Variants in LIFR observed in about 807,000 individuals in gnomAD.
The protein encoded by LIFR is LIF receptor subunit alpha.
Under a neutral mutation model 122.2 loss-of-function variants are expected in LIFR, and 84 were observed. The ratio of observed to expected loss-of-function variants is 0.69; its 90% confidence interval spans 0.58 to 0.82. The LOEUF (loss-of-function observed/expected upper bound fraction) is 0.82. Ranked by LOEUF, LIFR falls within the 40% of genes least tolerant of loss-of-function variation. The pLI is 0.00. For synonymous variants in LIFR, 422 were observed against 434.7 expected (o/e 0.97, Z 0.36); for missense variants, 1,294 against 1,311.6 (o/e 0.99, Z 0.21).
Position 38,476,782 on chromosome 5 carries a change from C to T in LIFR, c.*4813G>A, listed in dbSNP as rs1379901272. 1 of 210,234 alleles carries T rather than the reference C, an allele frequency of 4.8e-6. No homozygotes were observed. The highest frequency in any genetic ancestry group is 9.6e-6 in the Non-Finnish European group (1 of 103,630). 13.0% of individuals were successfully genotyped at this position (210,234 alleles called of 1,614,324 possible). ...TTCTTTAGGCACTTACACATAAAAACATTCAGAGGGTTTTCCCCTTAACAC... is the reference window on the plus strand; with the variant it reads ...TTCTTTAGGCACTTACACATAAAAATATTCAGAGGGTTTTCCCCTTAACAC... On this transcript the variant is annotated 3_prime_UTR_variant, in exon 20 of 20. Transcript: ENST00000453190.
At chr5:38,530,436 A>T in intron 2 of LIFR, 70 bp downstream of exon 2, 1 of 1,402,622 alleles carries the variant, frequency 7.1e-7, no homozygotes, top group Non-Finnish European at 1.0e-6. Context: ...TAAAGCAACA[A>T]AATTGCTTCG....
At chr5:38,555,297 A>C (rs551254762) in intron 1 of LIFR, among the ~76,000 whole-genome samples, 1 of 152,266 alleles carries the variant, frequency 6.6e-6, no homozygotes, top group Admixed American at 6.5e-5. Context: ...GTGACAAAAT[A>C]ATCATGTAAG....
chr5:38,574,210 T>C (rs954884026), intron 1 of LIFR, among the ~76,000 whole-genome samples: 10 of 152,118 alleles, frequency 6.6e-5, no homozygotes, highest in African/African-American at 1.7e-4. Flanking sequence ...CTCTCCCCTC[T>C]GCTTACTCCT....
Position 38,485,801 on chromosome 5 carries a change from C to G in LIFR, c.2497+18G>C. The G allele has an allele frequency of 6.2e-7, 1 of 1,613,890 alleles. No individual in the cohort carries two copies. Among genetic ancestry groups the G allele is most frequent in the Non-Finnish European group, 8.5e-7 (1 of 1,179,812 alleles). On this transcript the variant is annotated intron_variant, in intron 17 of 19. Coordinates refer to ENST00000453190, the MANE Select transcript of LIFR (RefSeq NM_001127671.2). Reference sequence around the variant, plus strand: ...GCATGCAGGATGGAAAGCACCTCAACAGCAACCTGAAACTTACAATTTTCC... The same window carrying G: ...GCATGCAGGATGGAAAGCACCTCAAGAGCAACCTGAAACTTACAATTTTCC...
At chr5:38,485,442 T>C (rs1285509666) in intron 17 of LIFR, among the ~76,000 whole-genome samples, 2 of 152,214 alleles carry the variant, frequency 1.3e-5, no homozygotes, top group East Asian at 3.8e-4. Context: ...AGTGTTGTGC[T>C]TTACAAAAAA....
chr5:38,481,584 C>G lies in LIFR; in HGVS notation c.*11G>C, dbSNP rs747346598. ...ATTGAGATGGCTGACTGAAGTGACA[C>G]GGTGACACTGTTAATCGTTTGGTTT... On this transcript the variant is annotated 3_prime_UTR_variant, in exon 20 of 20. Coordinates refer to ENST00000453190, the MANE Select transcript of LIFR (RefSeq NM_001127671.2). The G allele has an allele frequency of 1.2e-6, 2 of 1,613,886 alleles. No individual in the cohort carries two copies. The highest frequency in any genetic ancestry group is 1.7e-6 in the Non-Finnish European group (2 of 1,179,908).
upstream of LIFR, among the ~76,000 whole-genome samples, chr5:38,598,114 T>A (rs756093784): frequency 5.3e-5 from 8 of 151,828 alleles, no homozygotes; most frequent in Non-Finnish European, 1.2e-4. Flanking sequence ...GTGGGATCTT[T>A]CTAAGAAACA....
chr5:38,539,213 T>C, intron 1 of LIFR, among the ~76,000 whole-genome samples: 1 of 152,166 alleles, frequency 6.6e-6, no homozygotes, highest in African/African-American at 2.4e-5. Flanking sequence ...CCTCCCAAAG[T>C]GCTGGGATTA....
chr5:38,518,125 G>GAATAA lies in LIFR; in HGVS notation c.561+5289_561+5293dup, dbSNP rs1218911277. Among the ~76,000 whole-genome samples, 1,478 of 151,644 alleles carry GAATAA rather than the reference G, an allele frequency of 9.7e-3. 23 individuals are homozygous for GAATAA. Among genetic ancestry groups the GAATAA allele is most frequent in the African/African-American group, 0.032 (1,320 of 41,384 alleles). On this transcript the variant is annotated intron_variant, in intron 5 of 19. Coordinates refer to ENST00000453190, the MANE Select transcript of LIFR (RefSeq NM_001127671.2). ...CAGAACCCTATCTCTAAAAACAAAT[G>GAATAA]AATAAAATAAAATAAAATAAGGAGT...
At chr5:38,558,374 T>C (rs1748695192), upstream of LIFR, 1 of 152,100 alleles carries the variant, frequency 6.6e-6, no homozygotes, top group South Asian at 2.1e-4. Flanking sequence ...CTTGCTATAA[T>C]AGAAAGATGG....
At chr5:38,520,793 T>A (rs1270516011) in intron 5 of LIFR, among the ~76,000 whole-genome samples, 1 of 152,254 alleles carries the variant, frequency 6.6e-6, no homozygotes, top group African/African-American at 2.4e-5. Flanking sequence ...CTGGTCTATG[T>A]ATCTGTTTTT....
chr5:38,592,501 C>CA (rs1749953975), intron 1 of LIFR, among the ~76,000 whole-genome samples: 1 of 151,696 alleles, frequency 6.6e-6, no homozygotes, highest in Non-Finnish European at 1.5e-5. Flanking sequence ...CTACTAAAAA[C>CA]AAAAAATTAG....
rs560575368 is a variant in LIFR at position 38,548,204 on chromosome 5, T to C, written c.-20+8130A>G. ...TCATACTTAAGATAATGAAAGATTA[T>C]CCTTCACAGAAGATATATAGTAGCA... is the stretch of plus-strand genomic sequence containing the variant. On this transcript the variant is annotated intron_variant, in intron 1 of 19. Coordinates refer to ENST00000453190, the MANE Select transcript of LIFR (RefSeq NM_001127671.2). Among the ~76,000 whole-genome samples the C allele has an allele frequency of 2.0e-5, 3 of 152,306 alleles. No individual in the cohort carries two copies. The East Asian group carries it at 5.8e-4, about 29-fold the overall frequency.
intron 19 of LIFR, 36 bp from the exon 20 acceptor site, chr5:38,482,254 C>T: frequency 6.3e-7 from 1 of 1,580,788 alleles, no homozygotes; most frequent in Non-Finnish European, 8.6e-7. Context: ...TTAAAAATAG[C>T]ACTAAATGCC....
At position 38,569,448 on chromosome 5, in the gene LIFR, C is replaced by G. The variant is rs1025283093; in HGVS notation, c.-20+25813G>C. Among the ~76,000 whole-genome samples, 4 of 152,000 alleles carry G rather than the reference C, an allele frequency of 2.6e-5. No individual in the cohort carries two copies. In the South Asian group the frequency reaches 8.3e-4, roughly 31 times the overall value. On this transcript the variant is annotated intron_variant, in intron 1 of 19. Coordinates refer to the LIFR transcript ENST00000263409. The stretch of plus-strand genomic sequence containing the variant: ...GCGAGCATTACCACCTGAGCTCCAC[C>G]TCCTGTCAGATCAGCAGCAGCATTA...
chr5:38,510,737 A>G lies in LIFR; in HGVS notation c.737-19T>C, dbSNP rs1458086385. ...GGTATCCCTAGAAAGAAAAAGAGGA[A>G]TTATAAACATTTTATATAGAAGTAT... On this transcript the variant is annotated intron_variant, in intron 6 of 19. Transcript: ENST00000453190. 6.3e-7 allele frequency: 1 copy of G among 1,590,696 alleles called. No individual in the cohort carries two copies. Among genetic ancestry groups the G allele is most frequent in the Admixed American group, 1.7e-5 (1 of 59,542 alleles).
intron 5 of LIFR, among the ~76,000 whole-genome samples, chr5:38,514,682 A>G (rs1046664039): frequency 2.0e-5 from 3 of 152,224 alleles, no homozygotes; most frequent in Non-Finnish European, 2.9e-5. Context: ...CCCTCTATTC[A>G]TCGCTCCACA....
chr5:38,523,360 TA>T (rs1326333830), intron 5 of LIFR, 58 bp downstream of exon 5: 27 of 1,451,050 alleles, frequency 1.9e-5, no homozygotes, highest in African/African-American at 4.3e-5. Flanking sequence ...TAAGGCTTCT[TA>T]AAAAAAATTA....
intron 6 of LIFR, 43 bp downstream of exon 6, chr5:38,511,747 A>G: frequency 6.3e-7 from 1 of 1,583,246 alleles, no homozygotes; most frequent in Non-Finnish European, 8.7e-7. Context: ...AGTGAGACTA[A>G]TTTAATTCAT....
Sources: gnomAD v4.1 joint callset for allele counts (sites outside exome capture counted in the v4.1 genomes callset) on GRCh38, gnomAD v4.1.1 for gene constraint, MANE v1.5 for transcripts, NCBI Gene and HGNC (gene_info 2026-07-23, HGNC 2026-07-21) for gene names.